The following LITAF variants were observed in gnomAD, a reference collection of about 807,000 sequenced individuals.
LITAF encodes the protein lipopolysaccharide-induced tumor necrosis factor-alpha factor.
In LITAF, 9 loss-of-function variants were observed where a neutral mutation model predicts 14.5. That is an observed-to-expected ratio of 0.62 (90% CI 0.37 to 1.08). The LOEUF (loss-of-function observed/expected upper bound fraction) is 1.08, where lower values mean the gene tolerates loss of function less well. Among genes scored for constraint, LITAF ranks in the 50% least tolerant of loss-of-function variants. The pLI is 0.01. For synonymous variants in LITAF, 98 were observed against 88.2 expected, an observed-to-expected ratio of 1.11 and a Z score of -0.62; for missense variants, 206 against 213.4, an observed-to-expected ratio of 0.97 and a Z score of 0.22.
chr16:11,638,729 A>G (rs977663542), upstream of LITAF, among the ~76,000 whole-genome samples: 1 of 124,326 alleles, frequency 8.0e-6, no homozygotes, highest in Non-Finnish European at 1.7e-5. Context: ...AAAAAAAAAA[A>G]AAAAAAAAAA....
intron 3 of LITAF, among the ~76,000 whole-genome samples, chr16:11,627,522 A>G (rs774072881): frequency 3.9e-5 from 6 of 152,232 alleles, no homozygotes; most frequent in Non-Finnish European, 8.8e-5. Flanking sequence ...GCATTCTGCT[A>G]TTCATCCTGA....
At chr16:11,556,094 G>A (rs2064263178) in intron 2 of LITAF, among the ~76,000 whole-genome samples, 1 of 152,168 alleles carries the variant, frequency 6.6e-6, no homozygotes, top group Admixed American at 6.6e-5. Context: ...GGGTGAGCTG[G>A]TATGAAAACA....
chr16:11,627,910 G>A (rs2065093695), intron 3 of LITAF, among the ~76,000 whole-genome samples: 1 of 151,594 alleles, frequency 6.6e-6, no homozygotes, highest in South Asian at 2.1e-4. Context: ...CCAGCTACTC[G>A]GGAGGCCGAG....
At chr16:11,571,730 G>A (rs1003547112) in intron 1 of LITAF, among the ~76,000 whole-genome samples, 16 of 152,178 alleles carry the variant, frequency 1.1e-4, no homozygotes, top group African/African-American at 3.9e-4. Flanking sequence ...GTCTCTGGGA[G>A]GGACTGTGCT....
At chr16:11,555,877 A>G (rs1214849638) in intron 2 of LITAF, among the ~76,000 whole-genome samples, 6 of 152,122 alleles carry the variant, frequency 3.9e-5, no homozygotes, top group African/African-American at 1.4e-4. Flanking sequence ...GATGAAACCT[A>G]TTTTACAAAT....
chr16:11,573,518 G>C (rs372635388), intron 1 of LITAF, among the ~76,000 whole-genome samples: 1 of 152,200 alleles, frequency 6.6e-6, no homozygotes, highest in South Asian at 2.1e-4. Flanking sequence ...AACAGCAGAA[G>C]CCTAGTCCGC....
At chr16:11,551,107 A>ACCT (rs1428141321) in intron 3 of LITAF, among the ~76,000 whole-genome samples, 1 of 152,228 alleles carries the variant, frequency 6.6e-6, no homozygotes, top group African/African-American at 2.4e-5. Context: ...AATGTTTGCC[A>ACCT]AAAATGGAGT....
chr16:11,604,868 AC>A (rs1377078564), intron 3 of LITAF, among the ~76,000 whole-genome samples: 1 of 151,918 alleles, frequency 6.6e-6, no homozygotes, highest in Non-Finnish European at 1.5e-5. Context: ...GCTGCGTCAA[AC>A]TGCTTCCTGA....
At chr16:11,580,075 T>C (rs113315597) in intron 1 of LITAF, among the ~76,000 whole-genome samples, 1,755 of 152,316 alleles carry the variant, frequency 0.012, 37 homozygotes, top group African/African-American at 0.04. Context: ...GAAATGCTCA[T>C]TGGAGCATTC....
intron 3 of LITAF, among the ~76,000 whole-genome samples, chr16:11,626,330 C>T (rs116413147): frequency 0.013 from 2,012 of 152,052 alleles, 38 homozygotes; most frequent in African/African-American, 0.046. Flanking sequence ...AGGCTCATAC[C>T]ACCATGCTCT....
chr16:11,565,449 G>T (rs1227081682), intron 1 of LITAF, among the ~76,000 whole-genome samples: 1 of 140,152 alleles, frequency 7.1e-6, no homozygotes, highest in Non-Finnish European at 1.6e-5. Context: ...CGGGGGGCGG[G>T]GGGGTGGGGG....
chr16:11,579,019 T>A (rs1176582024), intron 1 of LITAF, among the ~76,000 whole-genome samples: 3 of 152,036 alleles, frequency 2.0e-5, no homozygotes, highest in African/African-American at 7.2e-5. Flanking sequence ...GGAAACCCCA[T>A]CTCTACTAAA....
intron 1 of LITAF, among the ~76,000 whole-genome samples, chr16:11,569,381 C>T (rs2064506880): frequency 6.6e-6 from 1 of 152,146 alleles, no homozygotes; most frequent in Non-Finnish European, 1.5e-5. Context: ...CCTGGGATTA[C>T]AGGCACATGC....
intron 3 of LITAF, among the ~76,000 whole-genome samples, chr16:11,627,043 G>C (rs148923322): frequency 6.6e-6 from 1 of 151,954 alleles, no homozygotes; most frequent in East Asian, 1.9e-4. Flanking sequence ...CATCCCCCTA[G>C]GAACCCGGGT....
At chr16:11,638,125 G>GATATAT (rs1281181329), upstream of LITAF, among the ~76,000 whole-genome samples, 374 of 82,232 alleles carry the variant, frequency 4.5e-3, 3 homozygotes, top group Non-Finnish European at 8.3e-3. Context: ...TATATAGATA[G>GATATAT]ATAGATAGAT....
chr16:11,618,982 T>TAA (rs1411165936), intron 3 of LITAF, among the ~76,000 whole-genome samples: 2 of 120,986 alleles, frequency 1.7e-5, no homozygotes, highest in African/African-American at 7.3e-5. Flanking sequence ...GACTCGGTCT[T>TAA]AAAAAAAAAA....
At chr16:11,573,888 GA>G (rs1405372341) in intron 1 of LITAF, among the ~76,000 whole-genome samples, 3 of 151,828 alleles carry the variant, frequency 2.0e-5, no homozygotes, top group Non-Finnish European at 4.4e-5. Flanking sequence ...TTTTAGTAGA[GA>G]TGGGGTTTCA....
At chr16:11,613,047 G>A (rs2064992593) in intron 3 of LITAF, among the ~76,000 whole-genome samples, 1 of 151,932 alleles carries the variant, frequency 6.6e-6, no homozygotes, top group Non-Finnish European at 1.5e-5. Flanking sequence ...TTTGTTTTTT[G>A]GGGTTTGTTT....
chr16:11,610,526 A>G (rs1311440910), intron 3 of LITAF, among the ~76,000 whole-genome samples: 2 of 152,106 alleles, frequency 1.3e-5, no homozygotes, highest in Non-Finnish European at 2.9e-5. Context: ...CTCTGTGCAC[A>G]TGGCTTGGCA....
Sources: gnomAD v4.1 joint callset for allele counts (sites outside exome capture counted in the v4.1 genomes callset) on GRCh38, gnomAD v4.1.1 for gene constraint, MANE v1.5 for transcripts, NCBI Gene and HGNC (gene_info 2026-07-23, HGNC 2026-07-21) for gene names.